The following PDE2A variants were observed in gnomAD, a reference collection of about 807,000 sequenced individuals.
PDE2A encodes the protein cGMP-dependent 3',5'-cyclic phosphodiesterase.
Under a neutral mutation model 133.6 loss-of-function variants are expected in PDE2A, and 53 were observed. The ratio of observed to expected loss-of-function variants is 0.40; its 90% CI spans 0.32 to 0.50. PDE2A has a LOEUF of 0.50. Ranked by LOEUF, PDE2A falls within the 20% of genes least tolerant of loss-of-function variation. The probability of loss-of-function intolerance (pLI) is 0.73; values close to 1 mark genes in which losing one functional copy is unlikely to be tolerated. For missense variants in PDE2A, 796 were observed against 1,232.4 expected (o/e 0.65, Z 5.30); for synonymous variants, 491 against 490.2 (o/e 1.00, Z -0.02).
rs142944983 is a variant in PDE2A at position 72,596,612 on chromosome 11, G to T, written c.470C>A (p.Ala157Asp). ...TCTTACCAAGATGACAGCTGCCACG[G>T]CCCCAGCCTCCTTGTCCGCTAGCGG... Reference protein sequence around the residue: ...VMPLADKEAGAVAAVILVHCG... With the variant: ...VMPLADKEAGDVAAVILVHCG... The change falls in exon 6 of 31, where the codon GCC becomes GAC. Residue 157 changes from alanine to aspartate, a missense_variant. By Grantham distance (126) the Ala-to-Asp change is moderately radical. Around this residue, in one of 7 missense-constraint regions of PDE2A, gnomAD observed 417 missense variants for 475.3 expected, o/e 0.88. Transcript: ENST00000334456. 1.3e-6 allele frequency: 2 copies of T among 1,509,008 alleles called. No individual in the cohort carries two copies. Among genetic ancestry groups the T allele is most frequent in the East Asian group, 2.5e-5 (1 of 39,558 alleles). 93.5% of individuals were successfully genotyped at this position (1,509,008 alleles called of 1,614,324 possible). A position where few individuals can be genotyped will look rare whatever the true frequency, so the allele number is the denominator to read the frequency against.
At chr11:72,655,047 CAG>C (rs1854854829) in intron 1 of PDE2A, among the ~76,000 whole-genome samples, 1 of 152,172 alleles carries the variant, frequency 6.6e-6, no homozygotes, top group Non-Finnish European at 1.5e-5. Flanking sequence ...GTGGGGGAAT[CAG>C]GGGAAGGTGT....
At chr11:72,592,628 A>G (rs1856303754) in intron 6 of PDE2A, among the ~76,000 whole-genome samples, 1 of 152,166 alleles carries the variant, frequency 6.6e-6, no homozygotes, top group Non-Finnish European at 1.5e-5. Context: ...ATGAGGATCC[A>G]GGTAGGGGTG....
In PDE2A at chr11:72,656,673, C is replaced by T. The variant is rs144095486; in HGVS notation, c.72-14347G>A. Among the ~76,000 whole-genome samples the T allele has an allele frequency of 8.7e-4, 133 of 152,128 alleles. 1 individual carries two copies. Among genetic ancestry groups the T allele is most frequent in the Non-Finnish European group, 1.6e-3 (111 of 67,998 alleles). On this transcript the variant is annotated intron_variant, in intron 1 of 30. Transcript: ENST00000334456. ...AACTGAGGGCAAAGTCACCCATGGG[C>T]TCTCCTCGCCTTTCTCGGAGGTAGT...
chr11:72,586,197 G>A lies in PDE2A; in HGVS notation c.1071-16C>T. 1 of 1,475,594 alleles carries A rather than the reference G, an allele frequency of 6.8e-7. No homozygotes were observed. Among genetic ancestry groups the A allele is most frequent in the Non-Finnish European group, 9.4e-7 (1 of 1,058,654 alleles). 91.4% of individuals were successfully genotyped at this position (1,475,594 alleles called of 1,614,324 possible). ...GTCGGTGAACCTGGAGGAGGGGGTG[G>A]GCTCACTCAGGAGGGAAGGGAAGAC... is the stretch of plus-strand genomic sequence containing the variant. On this transcript the variant is annotated splice_polypyrimidine_tract_variant and intron_variant, in intron 13 of 30. Coordinates refer to ENST00000334456, the MANE Select transcript of PDE2A (RefSeq NM_002599.5).
intron 2 of PDE2A, among the ~76,000 whole-genome samples, chr11:72,634,904 C>G (rs866531495): frequency 2.6e-5 from 4 of 152,328 alleles, no homozygotes; most frequent in Non-Finnish European, 4.4e-5. Context: ...AGCCTTTGGA[C>G]GCGGGGCCCT....
chr11:72,594,253 G>T (rs1856377519), intron 6 of PDE2A, among the ~76,000 whole-genome samples: 3 of 152,206 alleles, frequency 2.0e-5, no homozygotes, highest in African/African-American at 4.8e-5. Context: ...GAGGGGAATG[G>T]GGCTTGTCCA....
intron 2 of PDE2A, among the ~76,000 whole-genome samples, chr11:72,619,254 T>G (rs1857628085): frequency 6.6e-6 from 1 of 152,206 alleles, no homozygotes; most frequent in African/African-American, 2.4e-5. Flanking sequence ...ATAGTTTTTG[T>G]GTGGTTTTTC....
Position 72,674,229 on chromosome 11 carries a change from C to T in PDE2A, c.-22G>A, listed in dbSNP as rs1351050136. ...CCATCACTCCTCATCGTCCGCCTCCCCAGCCAGACTAAGGTGGCACCTCGC... is the reference window on the plus strand; with the variant it reads ...CCATCACTCCTCATCGTCCGCCTCCTCAGCCAGACTAAGGTGGCACCTCGC... On this transcript the variant is annotated 5_prime_UTR_variant, in exon 1 of 31. Transcript: ENST00000334456. 1.2e-6 allele frequency: 2 copies of T among 1,602,306 alleles called. No homozygotes were observed. Among genetic ancestry groups the T allele is most frequent in the Non-Finnish European group, 1.7e-6 (2 of 1,177,368 alleles).
At chr11:72,608,532 C>A in intron 3 of PDE2A, 130 bp downstream of exon 3, 1 of 604,144 alleles carries the variant, frequency 1.7e-6, no homozygotes, top group Non-Finnish European at 3.1e-6. Flanking sequence ...CCCTTCACTT[C>A]CCCATGAAAG....
Position 72,578,537 on chromosome 11 carries a change from A to T in PDE2A, c.2470-23T>A. ...CTCCTGAAAGGCCAACACTCTCATC[A>T]CATCCTCTATGTAGGATACATCCAC... On this transcript the variant is annotated intron_variant, in intron 28 of 30. Coordinates refer to ENST00000334456, the MANE Select transcript of PDE2A (RefSeq NM_002599.5). This position sits in a 1 kb window ranked among gnomAD's most constrained non-coding sequence, Gnocchi z 4.2. The T allele has an allele frequency of 9.4e-6, 15 of 1,602,868 alleles. No homozygotes were observed. Among genetic ancestry groups the T allele is most frequent in the Non-Finnish European group, 1.3e-5 (15 of 1,169,822 alleles).
At position 72,578,206 on chromosome 11, in the gene PDE2A, G is replaced by A; in HGVS notation, c.2615+27C>T. The A allele has an allele frequency of 7.2e-7, 1 of 1,384,332 alleles. No individual in the cohort carries two copies. The highest frequency in any genetic ancestry group is 1.0e-6 in the Non-Finnish European group (1 of 969,570). The allele number at this position is 1,384,332 out of a possible 1,614,324, so 85.8% of individuals were successfully genotyped here. ...CCAGCCTACCCTCTCTGTGCAGGGTGCAGCTTGTCCCCATGAGCTCACTCA... is the reference window on the plus strand; with the variant it reads ...CCAGCCTACCCTCTCTGTGCAGGGTACAGCTTGTCCCCATGAGCTCACTCA... On this transcript the variant is annotated intron_variant, in intron 30 of 30. Transcript: ENST00000334456. The surrounding 1 kb of genome is among the most constrained non-coding windows in gnomAD (Gnocchi z 4.2).
In PDE2A at chr11:72,580,758, G is replaced by A. The variant is rs994563969; in HGVS notation, c.2133+128C>T. On this transcript the variant is annotated intron_variant, in intron 24 of 30. Transcript: ENST00000334456. ...CTCAGAGCCAGGGGCAAACCCTGGG[G>A]GAACCTCCTCCTGTGTCTAAACCTG... is the stretch of plus-strand genomic sequence containing the variant. The A allele has an allele frequency of 5.2e-6, 5 of 958,892 alleles. No homozygotes were observed. The Admixed American group carries it at 5.9e-5, about 11-fold the overall frequency. The allele number at this position is 958,892 out of a possible 1,614,324, so 59.4% of individuals were successfully genotyped here. A position where few individuals can be genotyped will look rare whatever the true frequency, so the allele number is the denominator to read the frequency against.
intron 4 of PDE2A, among the ~76,000 whole-genome samples, chr11:72,602,334 C>T (rs1856789501): frequency 6.6e-6 from 1 of 152,204 alleles, no homozygotes; most frequent in Non-Finnish European, 1.5e-5. Flanking sequence ...TGTCTCTCCC[C>T]ACACTGCCCT....
intron 1 of PDE2A, among the ~76,000 whole-genome samples, chr11:72,665,412 C>T (rs1400769234): frequency 6.6e-6 from 1 of 152,018 alleles, no homozygotes. Context: ...CCATCCAGCC[C>T]CTGCCTCCAG....
At chr11:72,626,334 G>A (rs571576140) in intron 2 of PDE2A, among the ~76,000 whole-genome samples, 11 of 152,206 alleles carry the variant, frequency 7.2e-5, no homozygotes, top group Admixed American at 1.3e-4. Context: ...TGCACGCCCC[G>A]GGCCTGTGCA....
chr11:72,623,313 T>C (rs1249518955), intron 2 of PDE2A, among the ~76,000 whole-genome samples: 1 of 152,066 alleles, frequency 6.6e-6, no homozygotes, highest in Non-Finnish European at 1.5e-5. Context: ...TCCCTTGGCT[T>C]CTGGCTTCAC....
intron 2 of PDE2A, among the ~76,000 whole-genome samples, chr11:72,619,049 T>TGC (rs937419692): frequency 6.9e-6 from 1 of 145,556 alleles, no homozygotes; most frequent in Non-Finnish European, 1.5e-5. Context: ...GCACACAGCG[T>TGC]GCGCACACAC....
chr11:72,597,819 G>A lies in PDE2A; in HGVS notation c.324-200C>T, dbSNP rs532538425. Among the ~76,000 whole-genome samples, 1 of 152,366 alleles carries A rather than the reference G, an allele frequency of 6.6e-6. No individual in the cohort carries two copies. Among genetic ancestry groups the A allele is most frequent in the Non-Finnish European group, 1.5e-5 (1 of 68,030 alleles). On this transcript the variant is annotated intron_variant, in intron 4 of 30. Transcript: ENST00000334456. This position sits in a 1 kb window ranked among gnomAD's most constrained non-coding sequence, Gnocchi z 4.6. ...CTATGTGGAGAAACAGGCAGCCACA[G>A]TTTGGCCTCTGGTGCCCCTTGCTGG...
chr11:72,631,220 A>T, intron 2 of PDE2A: 1 of 1,177,212 alleles, frequency 8.5e-7, no homozygotes. Flanking sequence ...ATTAGCCCCC[A>T]GCAAGCCCAC....
Sources: allele counts gnomAD v4.1 joint callset (sites outside exome capture counted in the v4.1 genomes callset), GRCh38; gene constraint gnomAD v4.1.1; regional missense constraint gnomAD v4.1.1; non-coding constraint Gnocchi (gnomAD v3.1); transcripts MANE v1.5; gene names NCBI Gene and HGNC (gene_info 2026-07-23, HGNC 2026-07-21).